The following FAM107B variants were observed in gnomAD, a reference collection of about 807,000 sequenced individuals.
The protein encoded by FAM107B is family with sequence similarity 107 member B.
FAM107B carries 21 observed loss-of-function variants against 31.5 expected under a neutral mutation model. That is an observed-to-expected ratio of 0.67 (90% CI 0.47 to 0.96). The LOEUF (loss-of-function observed/expected upper bound fraction) is 0.96. Among genes scored for constraint, FAM107B ranks in the 40% least tolerant of loss-of-function variants. The pLI, the probability that FAM107B is intolerant of heterozygous loss-of-function variation, is 0.00. For synonymous variants in FAM107B, 157 were observed against 141.5 expected (o/e 1.11, Z -0.78); for missense variants, 452 against 377.1 (o/e 1.20, Z -1.64).
chr10:14,718,823 T>G (rs1022915738), intron 1 of FAM107B, among the ~76,000 whole-genome samples: 3 of 152,226 alleles, frequency 2.0e-5, no homozygotes, highest in Non-Finnish European at 4.4e-5. Context: ...TTCATTGCAG[T>G]TGATGAACAA....
intron 2 of FAM107B, among the ~76,000 whole-genome samples, chr10:14,660,832 C>T (rs866362811): frequency 6.6e-6 from 1 of 152,044 alleles, no homozygotes; most frequent in Non-Finnish European, 1.5e-5. Context: ...GGAACACATA[C>T]CATGGAAAGG....
intron 2 of FAM107B, chr10:14,542,453 A>T (rs1417054195): frequency 1.3e-5 from 2 of 152,102 alleles, no homozygotes; most frequent in African/African-American, 2.4e-5. Context: ...ATTAAAATTA[A>T]ATTTGAAGTT....
intron 1 of FAM107B, among the ~76,000 whole-genome samples, chr10:14,768,322 A>G (rs960637201): frequency 3.9e-5 from 6 of 152,372 alleles, no homozygotes; most frequent in Admixed American, 3.9e-4. Context: ...GAATCTCAAG[A>G]GACCCCAAAT....
chr10:14,752,344 G>T (rs1832845785), intron 1 of FAM107B, among the ~76,000 whole-genome samples: 1 of 152,192 alleles, frequency 6.6e-6, no homozygotes, highest in African/African-American at 2.4e-5. Context: ...CAGAGTGCCT[G>T]GAAGGCATCC....
rs951701917 is a variant in FAM107B, at chr10:14,774,377, C to T, written c.287G>A (p.Arg96His). Residue 96 changes from arginine (R) to histidine (H), a missense_variant, in exon 1 of 5, where the codon CGC becomes CAC. By Grantham distance (29) the Arg-to-His change is conservative. Transcript: ENST00000181796. ...CGTCTCCGCGGGCTGGGCCGCAGTG[C>T]GGTGACTTGAATTCCGATTCGCACT... is the stretch of plus-strand genomic sequence containing the variant. The part of the protein sequence containing the change: ...NGSANRNSSH[R>H]TAAQPAETPE... 1.2e-6 allele frequency: 2 copies of T among 1,614,212 alleles called. No homozygotes were observed. The highest frequency in any genetic ancestry group is 1.7e-6 in the Non-Finnish European group (2 of 1,180,034).
intron 2 of FAM107B, among the ~76,000 whole-genome samples, chr10:14,546,929 T>C (rs113394810): frequency 0.022 from 3,380 of 152,266 alleles, 63 homozygotes; most frequent in East Asian, 0.089. Context: ...ACATGTATGA[T>C]TGCAAATTCT....
chr10:14,737,766 T>TTC (rs11276189), intron 1 of FAM107B, among the ~76,000 whole-genome samples: 55,959 of 126,868 alleles, frequency 0.44, 14,197 homozygotes, highest in Non-Finnish European at 0.54. Context: ...CGTGCACGCT[T>TTC]TCTCTCTCTC....
At chr10:14,671,194 C>T (rs1854531707) in intron 1 of FAM107B, among the ~76,000 whole-genome samples, 1 of 152,224 alleles carries the variant, frequency 6.6e-6, no homozygotes, top group South Asian at 2.1e-4. Context: ...CATCAGTCTG[C>T]TGCATTTCCC....
intron 3 of FAM107B, among the ~76,000 whole-genome samples, chr10:14,522,402 A>T (rs962165240): frequency 3.3e-5 from 5 of 151,012 alleles, no homozygotes; most frequent in Non-Finnish European, 7.4e-5. Flanking sequence ...GCTTCCCAAA[A>T]TCTAGCCCCT....
At chr10:14,656,726 A>G (rs1854066800) in intron 2 of FAM107B, among the ~76,000 whole-genome samples, 1 of 152,228 alleles carries the variant, frequency 6.6e-6, no homozygotes, top group East Asian at 1.9e-4. Flanking sequence ...TTAAATTTTA[A>G]ACAAACAAAT....
At chr10:14,589,934 A>G (rs1851962240) in intron 2 of FAM107B, among the ~76,000 whole-genome samples, 1 of 152,222 alleles carries the variant, frequency 6.6e-6, no homozygotes, top group South Asian at 2.1e-4. Context: ...TCCTCCTCAG[A>G]AAATAAAACC....
intron 1 of FAM107B, among the ~76,000 whole-genome samples, chr10:14,671,877 A>AAAAAAC (rs1854557985): frequency 1.1e-4 from 5 of 46,526 alleles, no homozygotes; most frequent in African/African-American, 2.3e-4. Context: ...TTATTTAAAA[A>AAAAAAC]AAAAAAACAA....
intron 2 of FAM107B, chr10:14,604,303 C>CCAGCGGCCCGACTGCTCGG (rs1852514407): frequency 1.0e-6 from 1 of 976,658 alleles, no homozygotes; most frequent in African/African-American, 1.8e-5. Context: ...GCGGCGGCGC[C>CCAGCGGCCCGACTGCTCGG]CAGCGGCCCG....
At chr10:14,548,462 G>A (rs370370685) in intron 2 of FAM107B, 2 of 985,788 alleles carry the variant, frequency 2.0e-6, no homozygotes, top group Non-Finnish European at 1.2e-6. Context: ...AGCTGGAAGC[G>A]CAGGGCTCCT....
Position 14,554,097 on chromosome 10 carries a change from G to A in FAM107B, c.470-23582C>T, listed in dbSNP as rs1357497645. ...ATATAATTAATGTATAGTAGATATGGACTCACCTGATCACAGGCATCTCAG... is the reference window on the plus strand; with the variant it reads ...ATATAATTAATGTATAGTAGATATGAACTCACCTGATCACAGGCATCTCAG... On this transcript the variant is annotated intron_variant, in intron 2 of 4. Transcript: ENST00000181796. The A allele has an allele frequency of 6.1e-6, 6 of 985,092 alleles. No individual in the cohort carries two copies. In the South Asian group the frequency reaches 1.4e-4, roughly 23 times the overall value. 61.0% of individuals were successfully genotyped at this position (985,092 alleles called of 1,614,324 possible).
chr10:14,761,283 G>A (rs769905536), intron 1 of FAM107B, among the ~76,000 whole-genome samples: 26 of 152,226 alleles, frequency 1.7e-4, no homozygotes, highest in Middle Eastern at 3.4e-3. Flanking sequence ...CCTTTGAGTC[G>A]CTTGTTGTTA....
intron 2 of FAM107B, chr10:14,556,256 G>A: frequency 1.3e-6 from 1 of 746,284 alleles, no homozygotes; most frequent in South Asian, 6.0e-5. Flanking sequence ...CCTGTCATCA[G>A]AACCGACTGA....
chr10:14,605,852 T>A (rs1852574487), intron 2 of FAM107B, among the ~76,000 whole-genome samples: 1 of 152,146 alleles, frequency 6.6e-6, no homozygotes, highest in Non-Finnish European at 1.5e-5. Flanking sequence ...CACATTGGCA[T>A]CAACTCCAAG....
intron 1 of FAM107B, among the ~76,000 whole-genome samples, chr10:14,719,093 G>A (rs873403): frequency 0.71 from 107,989 of 152,040 alleles, 38,916 homozygotes; most frequent in African/African-American, 0.85. Context: ...TTAGCTAGTG[G>A]TAGGAGGGGA....
Sources: gnomAD v4.1 joint callset for allele counts (sites outside exome capture counted in the v4.1 genomes callset) on GRCh38, gnomAD v4.1.1 for gene constraint, MANE v1.5 for transcripts, NCBI Gene and HGNC (gene_info 2026-07-23, HGNC 2026-07-21) for gene names.